Variants in SLC6A5 observed in about 807,000 individuals in gnomAD.
The protein encoded by SLC6A5 is sodium- and chloride-dependent glycine transporter 2.
A neutral mutation model predicts 90.5 loss-of-function variants in SLC6A5; 58 were observed. The observed-to-expected ratio is 0.64, with a 90% CI of 0.52 to 0.80. The LOEUF (loss-of-function observed/expected upper bound fraction) is 0.80, where lower values mean the gene tolerates loss of function less well. SLC6A5 is among the 30% of genes least tolerant of loss of function. SLC6A5 has a pLI of 0.00. For missense variants in SLC6A5, 1,015 were observed against 1,017.6 expected (o/e 1.00, Z 0.03); for synonymous variants, 427 against 401.4 (o/e 1.06, Z -0.76).
chr11:20,601,718 G>C, intron 2 of SLC6A5, 53 bp downstream of exon 2: 2 of 1,543,800 alleles, frequency 1.3e-6, no homozygotes, highest in South Asian at 2.4e-5. Flanking sequence ...AGCTGCGCGA[G>C]AGAGGCCAGC....
intron 7 of SLC6A5, among the ~76,000 whole-genome samples, chr11:20,625,773 C>G (rs753536961): frequency 3.9e-5 from 6 of 152,174 alleles, no homozygotes; most frequent in Non-Finnish European, 8.8e-5. Flanking sequence ...CCTTCACCTT[C>G]CCACCTTGCC....
In SLC6A5 at chr11:20,601,319, C is replaced by A. The variant is rs768245472; in HGVS notation, c.194C>A (p.Ala65Glu). ...ACCGGCGCCCAAACTTTCCAGTCAG[C>A]GGACGCGCGAGCCTGCGAGGCTGAG... Reference protein sequence around the residue: ...ASTGAQTFQSADARACEAERP... With the variant: ...ASTGAQTFQSEDARACEAERP... The change falls in exon 2 of 16, where the codon GCG becomes GAG. Residue 65 changes from alanine to glutamate, a missense_variant. Ala to Glu is a moderately radical substitution (Grantham distance 107). This residue lies in a region of SLC6A5 where 567 missense variants were observed against 507.3 expected (regional missense o/e 1.12). Transcript: ENST00000525748. 3.1e-6 allele frequency: 5 copies of A among 1,592,360 alleles called. No individual in the cohort carries two copies. In the Admixed American group the frequency reaches 6.9e-5, roughly 22 times the overall value.
intron 7 of SLC6A5, among the ~76,000 whole-genome samples, chr11:20,626,431 G>A (rs573212717): frequency 1.3e-5 from 2 of 152,066 alleles, no homozygotes; most frequent in East Asian, 3.9e-4. Flanking sequence ...GTACTCATCA[G>A]CTGGGCTGGA....
chr11:20,626,620 C>T, intron 7 of SLC6A5, 88 bp from the exon 8 acceptor site: 1 of 1,416,626 alleles, frequency 7.1e-7, no homozygotes, highest in Non-Finnish European at 1.0e-6. Context: ...TCATGCGCAG[C>T]CCCACTCTTC....
chr11:20,601,767 G>A (rs927033837), intron 2 of SLC6A5, 102 bp downstream of exon 2: 3 of 1,248,670 alleles, frequency 2.4e-6, no homozygotes, highest in African/African-American at 1.5e-5. Flanking sequence ...TGGGGAAACC[G>A]GTTGGCAGTG....
chr11:20,599,983 C>A (rs1852427373), intron 1 of SLC6A5, among the ~76,000 whole-genome samples: 1 of 152,070 alleles, frequency 6.6e-6, no homozygotes, highest in Non-Finnish European at 1.5e-5. Context: ...GTCCTAGAGG[C>A]TACTGAGACA....
rs1328271952 is a variant in SLC6A5 at position 20,627,999 on chromosome 11, C to T, written c.1415C>T (p.Thr472Ile). The T allele has an allele frequency of 1.9e-6, 3 of 1,614,018 alleles. No homozygotes were observed. The African/African-American group carries it at 4.0e-5, about 22-fold the overall frequency. Residue 472 changes from threonine to isoleucine, a missense_variant, in exon 9 of 16, where the codon ACT becomes ATT. By Grantham distance (89) the Thr-to-Ile change is moderately conservative (BLOSUM62 -1). Transcript: ENST00000525748. Reference protein sequence around the residue: ...TDATVWKDAATQIFFSLSAAW... With the variant: ...TDATVWKDAAIQIFFSLSAAW... ...TCTCAGGTGTGGAAAGATGCTGCCA[C>T]TCAGATTTTCTTCTCTTTATCTGCT...
rs1470273729 is a variant in SLC6A5, at chr11:20,649,071, TAG to T, written c.2070+2140_2070+2141del. On this transcript the variant is annotated intron_variant, in intron 14 of 15. Coordinates refer to ENST00000525748, the MANE Select transcript of SLC6A5 (RefSeq NM_004211.5). ...AAAACCTAGTACTTTCATCTTCAAT[TAG>T]AGTTTGGCCAGTTTGGATTAAAATA... Among the ~76,000 whole-genome samples, 3 of 152,288 alleles carry T rather than the reference TAG, an allele frequency of 2.0e-5. No individual in the cohort carries two copies. The East Asian group carries it at 5.8e-4, about 29-fold the overall frequency.
At chr11:20,600,360 GAAGAAGAAGAAGA>G (rs1852439600) in intron 1 of SLC6A5, among the ~76,000 whole-genome samples, 2 of 144,012 alleles carry the variant, frequency 1.4e-5, no homozygotes, top group Non-Finnish European at 3.0e-5. Context: ...AGAAGAAGAA[GAAGAAGAAGAAGA>G]AGAAGAAGAA....
Position 20,601,346 on chromosome 11 carries a change from G to T in SLC6A5, c.221G>T (p.Arg74Leu). The change falls in exon 2 of 16, where the codon CGG becomes CTG. Residue 74 changes from arginine (R) to leucine (L), a missense_variant. By Grantham distance (102) the Arg-to-Leu change is moderately radical. Coordinates refer to ENST00000525748, the MANE Select transcript of SLC6A5 (RefSeq NM_004211.5). ...GACGCGCGAGCCTGCGAGGCTGAGCGGCCAGGAGTGGGGTCTTGCAAACTC... is the reference window on the plus strand; with the variant it reads ...GACGCGCGAGCCTGCGAGGCTGAGCTGCCAGGAGTGGGGTCTTGCAAACTC... ...SADARACEAE[R>L]PGVGSCKLSS... 3 of 1,599,050 alleles carry T rather than the reference G, an allele frequency of 1.9e-6. No homozygotes were observed. Among genetic ancestry groups the T allele is most frequent in the East Asian group, 2.3e-5 (1 of 44,360 alleles).
chr11:20,626,861 C>T lies in SLC6A5; in HGVS notation c.1395+19C>T, dbSNP rs1736393142. The T allele has an allele frequency of 1.2e-6, 2 of 1,611,832 alleles. No individual in the cohort carries two copies. Among genetic ancestry groups the T allele is most frequent in the Non-Finnish European group, 1.7e-6 (2 of 1,177,964 alleles). ...TGCCACGGTGGGCTTCTAATTTTAT[C>T]TATAACCAGCCCTGGGGGAGTGGCC... On this transcript the variant is annotated intron_variant, in intron 8 of 15. Transcript: ENST00000525748.
intron 3 of SLC6A5, among the ~76,000 whole-genome samples, chr11:20,605,677 C>G (rs920090059): frequency 2.6e-5 from 4 of 152,206 alleles, no homozygotes; most frequent in African/African-American, 9.6e-5. Flanking sequence ...CGCAAGTGCC[C>G]GCGCTTTGCC....
intron 13 of SLC6A5, among the ~76,000 whole-genome samples, chr11:20,645,409 C>A (rs1303161685): frequency 1.3e-5 from 2 of 151,930 alleles, no homozygotes; most frequent in Non-Finnish European, 2.9e-5. Flanking sequence ...GAGGAGCACC[C>A]AGAGACTGAA....
chr11:20,608,942 CTCTCTCTCTCTCTCTCTGTGTGTG>C (rs1435754104), intron 5 of SLC6A5, among the ~76,000 whole-genome samples: 5 of 117,854 alleles, frequency 4.2e-5, no homozygotes, highest in Admixed American at 1.8e-4. Flanking sequence ...CTCTCTCTCT[CTCTCTCTCTCTCTCTCTGTGTGTG>C]TGTGTGTGTG....
At chr11:20,626,975 A>G (rs1853009762) in intron 8 of SLC6A5, 133 bp downstream of exon 8, 3 of 727,974 alleles carry the variant, frequency 4.1e-6, no homozygotes, top group East Asian at 5.1e-5. Context: ...ATCTTGGTAC[A>G]TTATGCACTC....
intron 5 of SLC6A5, among the ~76,000 whole-genome samples, chr11:20,609,564 C>T (rs565102102): frequency 4.3e-4 from 65 of 152,292 alleles, no homozygotes; most frequent in African/African-American, 1.5e-3. Flanking sequence ...ATTGAGCAAG[C>T]CTTCCTTAAG....
chr11:20,600,348 GA>G (rs1422937568), intron 1 of SLC6A5, among the ~76,000 whole-genome samples: 5 of 97,944 alleles, frequency 5.1e-5, no homozygotes, highest in Non-Finnish European at 9.0e-5. Context: ...AGAAGAAGAA[GA>G]AGAAGAAGAA....
At chr11:20,647,569 A>G (rs2133820124) in intron 14 of SLC6A5, among the ~76,000 whole-genome samples, 1 of 151,862 alleles carries the variant, frequency 6.6e-6, no homozygotes, top group South Asian at 2.1e-4. Context: ...ATAATGGCTT[A>G]CAATCACAGC....
intron 9 of SLC6A5, 132 bp downstream of exon 9, chr11:20,628,215 G>C (rs1853039698): frequency 5.1e-6 from 4 of 783,400 alleles, no homozygotes; most frequent in Non-Finnish European, 6.6e-6. Flanking sequence ...CTCTGGCCTA[G>C]GAGAAACCAC....
Sources: gnomAD v4.1 joint callset for allele counts (sites outside exome capture counted in the v4.1 genomes callset) on GRCh38, gnomAD v4.1.1 for gene constraint, gnomAD v4.1.1 regional missense constraint, MANE v1.5 for transcripts, NCBI Gene and HGNC (gene_info 2026-07-23, HGNC 2026-07-21) for gene names.